PRELID2: variants seen among roughly 807,000 people sequenced by gnomAD.
PRELID2 encodes the protein PRELI domain-containing protein 2.
Under a neutral mutation model 28.4 loss-of-function variants are expected in PRELID2, and 25 were observed. That is an observed-to-expected ratio of 0.88 (90% CI 0.64 to 1.23). The LOEUF (loss-of-function observed/expected upper bound fraction) is 1.23. Ranked by LOEUF, PRELID2 falls within the 50% of genes most tolerant of loss-of-function variation. The probability of loss-of-function intolerance (pLI) is 0.00; values close to 1 mark genes in which losing one functional copy is unlikely to be tolerated. For missense variants in PRELID2, 201 were observed against 214.4 expected, an observed-to-expected ratio of 0.94 and a Z score of 0.39; for synonymous variants, 76 against 71.6, an observed-to-expected ratio of 1.06 and a Z score of -0.31.
At chr5:145,621,713 G>T (rs1753776591) in intron 1 of PRELID2, among the ~76,000 whole-genome samples, 1 of 152,182 alleles carries the variant, frequency 6.6e-6, no homozygotes, top group Non-Finnish European at 1.5e-5. Flanking sequence ...GGAGGATAAA[G>T]AGGTTAGTTA....
At chr5:145,821,293 TCTC>T (rs1754804845) in intron 2 of PRELID2, among the ~76,000 whole-genome samples, 2 of 147,584 alleles carry the variant, frequency 1.4e-5, no homozygotes, top group South Asian at 2.2e-4. Context: ...GTGTTTAAGC[TCTC>T]TTCTGTGTGT....
intron 1 of PRELID2, among the ~76,000 whole-genome samples, chr5:145,717,201 G>A (rs944480037): frequency 6.6e-6 from 1 of 152,116 alleles, no homozygotes; most frequent in Non-Finnish European, 1.5e-5. Flanking sequence ...TCTCTGAAAT[G>A]TCTGGCCCAC....
At chr5:145,636,122 T>G (rs866381889) in intron 1 of PRELID2, among the ~76,000 whole-genome samples, 9 of 152,202 alleles carry the variant, frequency 5.9e-5, no homozygotes, top group Admixed American at 2.0e-4. Context: ...TTCTAAGCAC[T>G]TTACATTCAT....
In PRELID2 at chr5:145,796,587, A is replaced by G. The variant is rs781289452; in HGVS notation, c.369-40T>C. On this transcript the variant is annotated intron_variant, in intron 4 of 6. Transcript: ENST00000683046. Reference sequence around the variant, plus strand: ...AAAAACACATCTTTGATGTCATTCTATGCTTGGATATGTAAACGACAGACA... The same window carrying G: ...AAAAACACATCTTTGATGTCATTCTGTGCTTGGATATGTAAACGACAGACA... The G allele has an allele frequency of 2.4e-6, 3 of 1,253,162 alleles. No individual in the cohort carries two copies. In the South Asian group the frequency reaches 4.0e-5, roughly 17 times the overall value. 77.6% of individuals were successfully genotyped at this position (1,253,162 alleles called of 1,614,324 possible). A position where few individuals can be genotyped will look rare whatever the true frequency, so the allele number is the denominator to read the frequency against.
chr5:145,688,193 G>A (rs893155711), intron 1 of PRELID2, among the ~76,000 whole-genome samples: 4 of 152,184 alleles, frequency 2.6e-5, no homozygotes, highest in South Asian at 2.1e-4. Context: ...CTTCATCAGC[G>A]GTGTGACACA....
the PRELID2 span, among the ~76,000 whole-genome samples, chr5:145,277,138 C>T: frequency 2.0e-5 from 3 of 152,082 alleles, no homozygotes; most frequent in Non-Finnish European, 4.4e-5. Context: ...GTTTCTATTT[C>T]CTGCCATAAC....
the PRELID2 span, among the ~76,000 whole-genome samples, chr5:145,300,877 G>A: frequency 2.6e-5 from 4 of 151,120 alleles, no homozygotes; most frequent in Non-Finnish European, 5.9e-5. Context: ...TTTATAATTA[G>A]GCAAATGATT....
the PRELID2 span, among the ~76,000 whole-genome samples, chr5:145,353,272 A>G: frequency 1.3e-5 from 2 of 152,060 alleles, no homozygotes; most frequent in Non-Finnish European, 2.9e-5. Flanking sequence ...AGCCTGGCCA[A>G]CATAGCCAGT....
intron 1 of PRELID2, among the ~76,000 whole-genome samples, chr5:145,595,158 A>G (rs960054054): frequency 1.9e-5 from 2 of 105,926 alleles, no homozygotes; most frequent in African/African-American, 3.8e-5. Context: ...AAGAGTCATA[A>G]TAGACACACA....
the PRELID2 span, among the ~76,000 whole-genome samples, chr5:145,371,191 C>T: frequency 6.6e-5 from 10 of 151,938 alleles, no homozygotes; most frequent in Non-Finnish European, 1.3e-4. Context: ...TGTCTTGGGC[C>T]GGTTTTCAAA....
At chr5:145,591,755 T>C (rs1436851567) in intron 1 of PRELID2, among the ~76,000 whole-genome samples, 1 of 152,210 alleles carries the variant, frequency 6.6e-6, no homozygotes, top group Non-Finnish European at 1.5e-5. Flanking sequence ...ACCACAGGAA[T>C]TGGGCTGGAG....
intron 1 of PRELID2, among the ~76,000 whole-genome samples, chr5:145,492,165 G>T (rs972914861): frequency 6.6e-6 from 1 of 152,052 alleles, no homozygotes; most frequent in Non-Finnish European, 1.5e-5. Flanking sequence ...AGTGTGCAAG[G>T]GTTTCCTTTT....
At chr5:145,572,697 T>C (rs1433423007) in intron 1 of PRELID2, among the ~76,000 whole-genome samples, 1 of 152,128 alleles carries the variant, frequency 6.6e-6, no homozygotes, top group Non-Finnish European at 1.5e-5. Flanking sequence ...CAGTTTCATA[T>C]GTAGGGAAGG....
chr5:145,368,512 A>G, the PRELID2 span, among the ~76,000 whole-genome samples: 1 of 151,950 alleles, frequency 6.6e-6, no homozygotes, highest in Non-Finnish European at 1.5e-5. Context: ...CAAACCCTGA[A>G]CATCATCCTG....
At chr5:145,365,357 C>A in the PRELID2 span, among the ~76,000 whole-genome samples, 3 of 151,746 alleles carry the variant, frequency 2.0e-5, no homozygotes, top group African/African-American at 7.3e-5. Context: ...AAACATATAT[C>A]AAAACATCAC....
chr5:145,686,484 C>G (rs1038787960), intron 1 of PRELID2, among the ~76,000 whole-genome samples: 7 of 152,070 alleles, frequency 4.6e-5, no homozygotes, highest in African/African-American at 1.7e-4. Context: ...TTCCCCAGCC[C>G]CACCTAAAAA....
At chr5:145,358,986 G>A in the PRELID2 span, among the ~76,000 whole-genome samples, 10 of 152,048 alleles carry the variant, frequency 6.6e-5, no homozygotes, top group African/African-American at 2.2e-4. Flanking sequence ...GAGGACTCTG[G>A]GCACCTGCCC....
the PRELID2 span, among the ~76,000 whole-genome samples, chr5:145,424,015 C>A: frequency 1.3e-5 from 2 of 151,302 alleles, no homozygotes; most frequent in Non-Finnish European, 2.9e-5. Context: ...TCAGTGTGAC[C>A]CTGCTGGGGG....
chr5:145,698,559 G>A (rs1288293386), intron 1 of PRELID2, among the ~76,000 whole-genome samples: 3 of 152,140 alleles, frequency 2.0e-5, no homozygotes, highest in South Asian at 2.1e-4. Flanking sequence ...TCTGTTAAGG[G>A]CCCACTTCCT....
Sources: allele counts gnomAD v4.1 joint callset (sites outside exome capture counted in the v4.1 genomes callset), GRCh38; gene constraint gnomAD v4.1.1; transcripts MANE v1.5; gene names NCBI Gene and HGNC (gene_info 2026-07-23, HGNC 2026-07-21).